ADGRG2: variants seen among roughly 807,000 people sequenced by gnomAD.
ADGRG2 encodes G protein-coupled receptor 64.
A neutral mutation model predicts 74.1 loss-of-function variants in ADGRG2; 26 were observed. The observed-to-expected ratio is 0.35, with a 90% confidence interval of 0.26 to 0.49. The LOEUF is 0.49. Among genes scored for constraint, ADGRG2 ranks in the 20% least tolerant of loss-of-function variants. The pLI is 0.99. For missense variants in ADGRG2, 619 were observed against 763.1 expected (o/e 0.81, Z 2.22); for synonymous variants, 296 against 295.2 (o/e 1.00, Z -0.03).
intron 1 of ADGRG2, among the ~76,000 whole-genome samples, chrX:19,102,849 T>A (rs2062212737): frequency 9.0e-6 from 1 of 111,357 alleles, no homozygotes; most frequent in Non-Finnish European, 1.9e-5. Flanking sequence ...GCCAGCATCT[T>A]GATCTTGGAC....
intron 7 of ADGRG2, 68 bp downstream of exon 7, chrX:19,035,863 TAACCCAGTAGA>T (rs1288521847): frequency 1.2e-5 from 6 of 487,420 alleles, no homozygotes; most frequent in African/African-American, 9.8e-5. Flanking sequence ...AACTCTTTAG[TAACCCAGTAGA>T]CTGCACAAGC....
Position 19,093,589 on chromosome X carries a change from C to T in ADGRG2, c.-46-10843G>A, listed in dbSNP as rs950097636. ...GGGAGCATGTAAACATGTTCTATAC[C>T]AGAGAATCTGAAGATGACGGTGACC... On this transcript the variant is annotated intron_variant, in intron 1 of 28. Coordinates refer to ENST00000379869, the MANE Select transcript of ADGRG2 (RefSeq NM_001079858.3). Among the ~76,000 whole-genome samples, 4 of 111,226 alleles carry T rather than the reference C, an allele frequency of 3.6e-5. No individual in the cohort carries two copies. In the Admixed American group the frequency reaches 3.8e-4, roughly 11 times the overall value.
At chrX:19,043,847 C>T (rs1331587358) in intron 3 of ADGRG2, among the ~76,000 whole-genome samples, 1 of 109,468 alleles carries the variant, frequency 9.1e-6, no homozygotes. Context: ...ATGTGAATGT[C>T]TTGCTGTCAT....
intron 1 of ADGRG2, among the ~76,000 whole-genome samples, chrX:19,114,012 C>A (rs1211368278): frequency 1.0e-5 from 1 of 100,045 alleles, no homozygotes; most frequent in Non-Finnish European, 2.0e-5. Flanking sequence ...GCAGAGGTTG[C>A]AGTGAGCCGA....
intron 1 of ADGRG2, among the ~76,000 whole-genome samples, chrX:19,122,219 C>T (rs2062621522): frequency 8.9e-6 from 1 of 112,740 alleles, no homozygotes. Context: ...AGTCGGGGAA[C>T]TAGCCCCGGG....
intron 1 of ADGRG2, among the ~76,000 whole-genome samples, chrX:19,093,020 C>T (rs2062037259): frequency 8.9e-6 from 1 of 111,973 alleles, no homozygotes; most frequent in Non-Finnish European, 1.9e-5. Context: ...TAACAAACTA[C>T]AAACATGGCT....
intron 26 of ADGRG2, among the ~76,000 whole-genome samples, chrX:18,996,431 T>C (rs1326286364): frequency 9.0e-6 from 1 of 111,046 alleles, no homozygotes; most frequent in Non-Finnish European, 1.9e-5. Flanking sequence ...TCCTCCCACA[T>C]CCTGTCCTTG....
chrX:19,070,612 G>C (rs2061638874), intron 2 of ADGRG2, among the ~76,000 whole-genome samples: 1 of 111,930 alleles, frequency 8.9e-6, no homozygotes, highest in Non-Finnish European at 1.9e-5. Context: ...CAACTGGGCA[G>C]GCTCCCTCTA....
intron 1 of ADGRG2, among the ~76,000 whole-genome samples, chrX:19,110,624 C>A (rs1192344082): frequency 9.4e-6 from 1 of 106,260 alleles, no homozygotes; most frequent in Non-Finnish European, 1.9e-5. Context: ...AGACAGGGGT[C>A]GCAGTGAGCC....
intron 3 of ADGRG2, among the ~76,000 whole-genome samples, chrX:19,044,590 C>T (rs893414062): frequency 9.0e-6 from 1 of 111,545 alleles, no homozygotes; most frequent in Non-Finnish European, 1.9e-5. Context: ...CAAGGAACCG[C>T]CCTTCAAGAG....
At chrX:19,021,436 T>G in intron 13 of ADGRG2, 2 of 417,175 alleles carry the variant, frequency 4.8e-6, no homozygotes, top group East Asian at 1.0e-4. Flanking sequence ...AACCAGAGAC[T>G]CTCTGACCAC....
At chrX:19,115,047 A>T (rs2062486180) in intron 1 of ADGRG2, among the ~76,000 whole-genome samples, 1 of 112,065 alleles carries the variant, frequency 8.9e-6, no homozygotes, top group Admixed American at 9.5e-5. Flanking sequence ...TATCATTATT[A>T]TTACGAGAGT....
intron 24 of ADGRG2, among the ~76,000 whole-genome samples, chrX:19,002,578 C>T (rs1242033772): frequency 1.8e-5 from 2 of 111,821 alleles, no homozygotes; most frequent in Admixed American, 9.5e-5. Context: ...TGTGCCAGCC[C>T]CAAATTCTAG....
At chrX:19,120,104 C>T (rs2062586655) in intron 1 of ADGRG2, among the ~76,000 whole-genome samples, 1 of 111,492 alleles carries the variant, frequency 9.0e-6, no homozygotes, top group Non-Finnish European at 1.9e-5. Context: ...ATGAAAGTCA[C>T]CTTGCAGAGA....
At position 19,114,539 on chromosome X, in the gene ADGRG2, T is replaced by C. The variant is rs962493196; in HGVS notation, c.-47+7903A>G. 1.3e-4 allele frequency among the ~76,000 whole-genome samples: 14 copies of C among 111,058 alleles called. No individual in the cohort carries two copies. The Admixed American group carries it at 1.3e-3, about 11-fold the overall frequency. On this transcript the variant is annotated intron_variant, in intron 1 of 28. Transcript: ENST00000379869. ...CGGCAGGGTTTCTCAACCTTGGCAC[T>C]ATTAATGCTTGGGCCGGATCACTGT...
chrX:19,117,389 A>T (rs1447811888), intron 1 of ADGRG2, among the ~76,000 whole-genome samples: 2 of 111,819 alleles, frequency 1.8e-5, no homozygotes, highest in Non-Finnish European at 3.8e-5. Context: ...TGAACACTAG[A>T]AAAAGCTACC....
At chrX:19,082,236 C>T (rs113705581) in intron 2 of ADGRG2, among the ~76,000 whole-genome samples, 4 of 111,258 alleles carry the variant, frequency 3.6e-5, no homozygotes, top group African/African-American at 1.3e-4. Flanking sequence ...TGCATTTGCA[C>T]AGCACTTAGG....
chrX:19,059,500 A>G (rs1029049181), intron 3 of ADGRG2, among the ~76,000 whole-genome samples: 1 of 111,517 alleles, frequency 9.0e-6, no homozygotes, highest in Non-Finnish European at 1.9e-5. Flanking sequence ...ATGTATGCGA[A>G]GGTGCTTCGT....
intron 1 of ADGRG2, among the ~76,000 whole-genome samples, chrX:19,115,432 T>G (rs778303894): frequency 1.5e-4 from 17 of 111,278 alleles, no homozygotes; most frequent in Non-Finnish European, 1.9e-4. Flanking sequence ...AAAACAAAAG[T>G]GGGATAAGGG....
Sources: gnomAD v4.1 joint callset for allele counts (sites outside exome capture counted in the v4.1 genomes callset) on GRCh38, gnomAD v4.1.1 for gene constraint, MANE v1.5 for transcripts, NCBI Gene and HGNC (gene_info 2026-07-23, HGNC 2026-07-21) for gene names.